ABCA13: variants seen among roughly 807,000 people sequenced by gnomAD.
The protein encoded by ABCA13 is ATP binding cassette subfamily A member 13.
A neutral mutation model predicts 478.7 loss-of-function variants in ABCA13; 476 were observed. The ratio of observed to expected loss-of-function variants is 0.99; its 90% confidence interval spans 0.92 to 1.07. ABCA13 has a LOEUF of 1.07. Ranked by LOEUF, ABCA13 falls within the 50% of genes least tolerant of loss-of-function variation. The pLI, the probability that ABCA13 is intolerant of heterozygous loss-of-function variation, is 0.00. For synonymous variants in ABCA13, 2,252 were observed against 2,158.9 expected, an observed-to-expected ratio of 1.04 and a Z score of -1.20; for missense variants, 6,060 against 5,910.6, an observed-to-expected ratio of 1.03 and a Z score of -0.83.
intron 55 of ABCA13, among the ~76,000 whole-genome samples, chr7:48,543,131 A>G (rs1022048080): frequency 2.3e-4 from 35 of 151,932 alleles, no homozygotes; most frequent in African/African-American, 8.4e-4. Context: ...TTCAATAAGG[A>G]CATTTCTTTT....
chr7:48,188,725 C>T (rs1188852307), intron 1 of ABCA13, among the ~76,000 whole-genome samples: 1 of 151,868 alleles, frequency 6.6e-6, no homozygotes, highest in Non-Finnish European at 1.5e-5. Context: ...ACCCAGGAGT[C>T]CTTTTTGTGT....
rs375861638 is a variant in ABCA13 at position 48,279,161 on chromosome 7, C to A, written c.7967C>A (p.Ala2656Glu). 2 of 1,603,026 alleles carry A rather than the reference C, an allele frequency of 1.2e-6. No homozygotes were observed. Among genetic ancestry groups the A allele is most frequent in the Non-Finnish European group, 1.7e-6 (2 of 1,175,032 alleles). ...AACTTGGAAGATATGAGGAGTCTTGCGGTAGCATTTAACAATGAGACTCAA... is the reference window on the plus strand; with the variant it reads ...AACTTGGAAGATATGAGGAGTCTTGAGGTAGCATTTAACAATGAGACTCAA... ...KMNLEDMRSL[A>E]VAFNNETQTF... The change falls in exon 18 of 62, where the codon GCG (alanine) becomes GAG (glutamate). Residue 2656 changes from alanine (A) to glutamate (E), a missense_variant. This residue lies in a region of ABCA13 where 4,423 missense variants were observed against 4,309.1 expected (regional missense o/e 1.03). Transcript: ENST00000435803.
rs149243839 is a variant in ABCA13, at chr7:48,360,554, C to A, written c.10689-7240C>A. 2.4e-3 allele frequency among the ~76,000 whole-genome samples: 366 copies of A among 151,968 alleles called. 8 individuals are homozygous for A. The highest frequency in any genetic ancestry group is 8.5e-3 in the African/African-American group (353 of 41,312). Reference sequence around the variant, plus strand: ...GTGTGTATGTTTTTTATTTTTAGTTCTATAAACAAGTGATATTCAAGAGTG... The same window carrying A: ...GTGTGTATGTTTTTTATTTTTAGTTATATAAACAAGTGATATTCAAGAGTG... On this transcript the variant is annotated intron_variant, in intron 31 of 61. Coordinates refer to ENST00000435803, the MANE Select transcript of ABCA13 (RefSeq NM_152701.5).
chr7:48,513,888 A>C (rs1831903330), intron 51 of ABCA13, among the ~76,000 whole-genome samples: 1 of 152,178 alleles, frequency 6.6e-6, no homozygotes, highest in South Asian at 2.1e-4. Context: ...TGAAAACCAC[A>C]CTGGAATACT....
rs1304435947 is a variant in ABCA13, at chr7:48,246,799, C to T, written c.1659+769C>T. Among the ~76,000 whole-genome samples the T allele has an allele frequency of 2.6e-5, 4 of 152,140 alleles. No individual in the cohort carries two copies. In the East Asian group the frequency reaches 7.7e-4, roughly 29 times the overall value. ...AGTACAAACATGAAGAAGACACTAT[C>T]TTGGTAGAGAAGGGCAAACAACAGT... On this transcript the variant is annotated intron_variant, in intron 13 of 61. Coordinates refer to ENST00000435803, the MANE Select transcript of ABCA13 (RefSeq NM_152701.5).
At chr7:48,460,826 T>A (rs1826166334) in intron 43 of ABCA13, among the ~76,000 whole-genome samples, 1 of 152,218 alleles carries the variant, frequency 6.6e-6, no homozygotes, top group Non-Finnish European at 1.5e-5. Context: ...TGATTGTTGG[T>A]GTATATTTGT....
intron 50 of ABCA13, among the ~76,000 whole-genome samples, chr7:48,510,205 G>T (rs1414592236): frequency 2.0e-5 from 3 of 152,150 alleles, no homozygotes; most frequent in African/African-American, 7.2e-5. Flanking sequence ...TCTGTTGAAA[G>T]AATGAAAGAG....
intron 31 of ABCA13, among the ~76,000 whole-genome samples, chr7:48,365,986 T>A (rs1811604538): frequency 6.6e-6 from 1 of 151,916 alleles, no homozygotes; most frequent in African/African-American, 2.4e-5. Context: ...CTCACAGAAA[T>A]AGAAAAAAAT....
chr7:48,383,337 G>A (rs2129046378), intron 35 of ABCA13, among the ~76,000 whole-genome samples: 1 of 152,338 alleles, frequency 6.6e-6, no homozygotes, highest in East Asian at 1.9e-4. Context: ...GTGTACTCGT[G>A]TGTGAATGCC....
chr7:48,642,497 T>C (rs4606009), intron 59 of ABCA13, among the ~76,000 whole-genome samples: 139,857 of 152,216 alleles, frequency 0.92, 64,455 homozygotes, highest in East Asian at 1. Flanking sequence ...GAAAAGATGC[T>C]TCAGTGAACA....
intron 29 of ABCA13, among the ~76,000 whole-genome samples, chr7:48,341,861 A>ATATATATATATCTTTCTGATC (rs1807244048): frequency 1.4e-5 from 2 of 139,046 alleles, no homozygotes; most frequent in African/African-American, 2.6e-5. Context: ...TTTCTGATAT[A>ATATATATATATCTTTCTGATC]TATATATATA....
intron 42 of ABCA13, among the ~76,000 whole-genome samples, chr7:48,452,844 T>C (rs1825206296): frequency 1.3e-5 from 2 of 152,174 alleles, no homozygotes; most frequent in Non-Finnish European, 2.9e-5. Flanking sequence ...CTTTTAGAAA[T>C]CCAGGGATGG....
intron 8 of ABCA13, among the ~76,000 whole-genome samples, chr7:48,235,139 A>G (rs549949270): frequency 3.2e-4 from 48 of 152,312 alleles, no homozygotes; most frequent in Admixed American, 2.9e-3. Context: ...TCTACCAGGT[A>G]GGTTTAGGCT....
chr7:48,417,371 C>T (rs1408058311), intron 41 of ABCA13, among the ~76,000 whole-genome samples: 2 of 152,096 alleles, frequency 1.3e-5, no homozygotes, highest in South Asian at 2.1e-4. Context: ...GCCTGCTGCC[C>T]CATATCTTCT....
intron 42 of ABCA13, among the ~76,000 whole-genome samples, chr7:48,436,747 A>G (rs1040462772): frequency 3.3e-5 from 5 of 151,386 alleles, no homozygotes; most frequent in South Asian, 4.1e-4. Flanking sequence ...GATATTTTCT[A>G]ACTTTTCTTG....
At chr7:48,233,057 T>C (rs1050962489) in intron 7 of ABCA13, among the ~76,000 whole-genome samples, 1 of 152,216 alleles carries the variant, frequency 6.6e-6, no homozygotes, top group Non-Finnish European at 1.5e-5. Context: ...CATGATGCCA[T>C]GTAAAGGCAA....
At chr7:48,563,832 G>GTGTGTGTGTGTT (rs1419295940) in intron 55 of ABCA13, among the ~76,000 whole-genome samples, 55 of 76,812 alleles carry the variant, frequency 7.2e-4, no homozygotes, top group African/African-American at 3.1e-3. Flanking sequence ...GTGTGTGTGT[G>GTGTGTGTGTGTT]TGTGTGTTTT....
At position 48,601,149 on chromosome 7, in the gene ABCA13, TTA is replaced by T. The variant is rs201299422; in HGVS notation, c.14744+6338_14744+6339del. Among the ~76,000 whole-genome samples, 865 of 151,310 alleles carry T rather than the reference TTA, an allele frequency of 5.7e-3. 8 individuals carry two copies. The highest frequency in any genetic ancestry group is 0.02 in the African/African-American group (807 of 40,620). ...TAATTTCTTGTAATCTTTAACTGAT[TTA>T]TTTTTTTTATAATTTTTATCCCCTT... On this transcript the variant is annotated intron_variant, in intron 58 of 61. Transcript: ENST00000435803.
intron 51 of ABCA13, among the ~76,000 whole-genome samples, chr7:48,515,730 G>A (rs1585668794): frequency 6.6e-6 from 1 of 152,092 alleles, no homozygotes; most frequent in East Asian, 1.9e-4. Context: ...AGTTACAGAT[G>A]GTACCCCCTG....
Sources: gnomAD v4.1 joint callset for allele counts (sites outside exome capture counted in the v4.1 genomes callset) on GRCh38, gnomAD v4.1.1 for gene constraint, gnomAD v4.1.1 regional missense constraint, MANE v1.5 for transcripts, NCBI Gene and HGNC (gene_info 2026-07-23, HGNC 2026-07-21) for gene names.